Variants in PLAAT3 observed in about 807,000 individuals in gnomAD.
The protein encoded by PLAAT3 is Ca-independent phospholipase A1/2.
In PLAAT3, 21 loss-of-function variants were observed where a neutral mutation model predicts 16.7. That is an observed-to-expected ratio of 1.26 (90% CI 0.89 to 1.81). PLAAT3 has a LOEUF of 1.81. Among genes scored for constraint, PLAAT3 ranks in the 40% most tolerant of loss-of-function variants. PLAAT3 has a pLI of 0.00. For missense variants in PLAAT3, 219 were observed against 213.7 expected (o/e 1.02, Z -0.16); for synonymous variants, 76 against 81.7 (o/e 0.93, Z 0.38).
upstream of PLAAT3, among the ~76,000 whole-genome samples, chr11:63,615,038 A>ATATATATATATATATATATG (rs1938800663): frequency 4.2e-5 from 1 of 24,058 alleles, no homozygotes; most frequent in Non-Finnish European, 2.0e-4. Flanking sequence ...GTGTGTATAT[A>ATATATATATATATATATATG]TATGTATATA....
chr11:63,594,388 C>A (rs1362993384), intron 3 of PLAAT3, among the ~76,000 whole-genome samples: 1 of 151,984 alleles, frequency 6.6e-6, no homozygotes, highest in Admixed American at 6.6e-5. Context: ...GGAGCCCACA[C>A]AAGAGACCAA....
At chr11:63,580,410 C>A (rs970366317) in intron 4 of PLAAT3, among the ~76,000 whole-genome samples, 2 of 152,192 alleles carry the variant, frequency 1.3e-5, no homozygotes, top group African/African-American at 4.8e-5. Flanking sequence ...AATCCCAGCA[C>A]TTTGGGAGGC....
intron 2 of PLAAT3, among the ~76,000 whole-genome samples, chr11:63,606,453 C>CACACAT (rs1938565454): frequency 1.3e-5 from 2 of 151,906 alleles, no homozygotes; most frequent in African/African-American, 4.8e-5. Context: ...CACACACACA[C>CACACAT]ACACACACAC....
intron 3 of PLAAT3, among the ~76,000 whole-genome samples, chr11:63,596,200 A>G (rs1938282977): frequency 7.3e-6 from 1 of 136,314 alleles, no homozygotes; most frequent in Non-Finnish European, 1.5e-5. Flanking sequence ...AGATCGCGCC[A>G]CTACACTCCA....
At chr11:63,586,838 C>A (rs1381216385) in intron 4 of PLAAT3, among the ~76,000 whole-genome samples, 1 of 152,194 alleles carries the variant, frequency 6.6e-6, no homozygotes, top group African/African-American at 2.4e-5. Context: ...AATCTTAGCA[C>A]TTTGGGAGGC....
chr11:63,615,192 G>GTGTGTATA (rs1938825545), upstream of PLAAT3, among the ~76,000 whole-genome samples: 2 of 106,070 alleles, frequency 1.9e-5, no homozygotes, highest in African/African-American at 3.5e-5. Flanking sequence ...GTATATATAT[G>GTGTGTATA]TGTGTATATA....
At chr11:63,595,831 T>A (rs1264871026) in intron 3 of PLAAT3, among the ~76,000 whole-genome samples, 1 of 152,142 alleles carries the variant, frequency 6.6e-6, no homozygotes. Flanking sequence ...AAGTTAAGTA[T>A]TCATATCCTC....
chr11:63,589,530 G>A (rs1455854236), intron 4 of PLAAT3, among the ~76,000 whole-genome samples: 2 of 151,684 alleles, frequency 1.3e-5, no homozygotes, highest in Admixed American at 1.3e-4. Flanking sequence ...TCAAGTAAAT[G>A]AACAAAACTG....
At chr11:63,583,095 A>G (rs540201770) in intron 4 of PLAAT3, among the ~76,000 whole-genome samples, 1 of 152,096 alleles carries the variant, frequency 6.6e-6, no homozygotes, top group African/African-American at 2.4e-5. Context: ...ACACCTCTGC[A>G]CTCCAGCCTG....
chr11:63,594,771 C>T (rs892382996), intron 3 of PLAAT3, among the ~76,000 whole-genome samples: 6 of 151,604 alleles, frequency 4.0e-5, no homozygotes, highest in African/African-American at 1.2e-4. Context: ...GTTTGATCAA[C>T]GGGATATATT....
At chr11:63,597,796 G>A (rs1938327547) in intron 3 of PLAAT3, among the ~76,000 whole-genome samples, 1 of 152,134 alleles carries the variant, frequency 6.6e-6, no homozygotes, top group African/African-American at 2.4e-5. Context: ...TCCTGCTCTG[G>A]AGCCCAGTTC....
intron 2 of PLAAT3, among the ~76,000 whole-genome samples, chr11:63,603,448 C>G (rs982104447): frequency 6.6e-6 from 1 of 152,090 alleles, no homozygotes; most frequent in Non-Finnish European, 1.5e-5. Flanking sequence ...AACCATTTTC[C>G]TTAGCAAGCA....
In PLAAT3 at chr11:63,590,459, G is replaced by T. The variant is rs576157162; in HGVS notation, c.119-91C>A. On this transcript the variant is annotated intron_variant, in intron 3 of 4. Transcript: ENST00000415826. ...GCCCCCAGCCGGGCATCTGCCCTTGGCTCATCCACAAAGGATAAGCAACAA... is the reference window on the plus strand; with the variant it reads ...GCCCCCAGCCGGGCATCTGCCCTTGTCTCATCCACAAAGGATAAGCAACAA... 2.3e-5 allele frequency: 25 copies of T among 1,108,640 alleles called. No homozygotes were observed. The African/African-American group carries it at 3.2e-4, about 14-fold the overall frequency. The allele number at this position is 1,108,640 out of a possible 1,614,324, so 68.7% of individuals were successfully genotyped here.
At chr11:63,591,249 G>C (rs1938145340) in intron 3 of PLAAT3, among the ~76,000 whole-genome samples, 1 of 152,164 alleles carries the variant, frequency 6.6e-6, no homozygotes, top group Admixed American at 6.5e-5. Context: ...GTGTATGGTG[G>C]TGTGCACCTG....
intron 4 of PLAAT3, among the ~76,000 whole-genome samples, chr11:63,578,166 C>A (rs1937677519): frequency 6.6e-6 from 1 of 151,838 alleles, no homozygotes; most frequent in African/African-American, 2.4e-5. Flanking sequence ...GCCTGTAATC[C>A]CAGCCACTTG....
rs1938105354 is a variant in PLAAT3, at chr11:63,590,093, G to A, written c.387+7C>T. ...CCTGGGGAAGGCGACACAGGCAGAG[G>A]ACGCACCTGGTCACTGCGGGCGACT... is the stretch of plus-strand genomic sequence containing the variant. On this transcript the variant is annotated splice_region_variant and intron_variant, in intron 4 of 4. Coordinates refer to ENST00000415826, the MANE Select transcript of PLAAT3 (RefSeq NM_001128203.2). 1 of 1,611,372 alleles carries A rather than the reference G, an allele frequency of 6.2e-7. No individual in the cohort carries two copies. The highest frequency in any genetic ancestry group is 8.5e-7 in the Non-Finnish European group (1 of 1,178,114).
intron 2 of PLAAT3, among the ~76,000 whole-genome samples, chr11:63,607,100 A>G (rs1201527420): frequency 6.6e-6 from 1 of 152,090 alleles, no homozygotes; most frequent in Non-Finnish European, 1.5e-5. Flanking sequence ...TGCTGATGGA[A>G]TGAGGTGGGG....
intron 4 of PLAAT3, among the ~76,000 whole-genome samples, chr11:63,586,168 C>G (rs1937971473): frequency 1.3e-5 from 2 of 152,226 alleles, no homozygotes; most frequent in South Asian, 2.1e-4. Flanking sequence ...GAGTCTCGCT[C>G]TGTTGCCCAG....
intron 2 of PLAAT3, among the ~76,000 whole-genome samples, 190 bp from the exon 3 acceptor site, chr11:63,598,353 T>C (rs1938346275): frequency 6.6e-6 from 1 of 152,228 alleles, no homozygotes; most frequent in South Asian, 2.1e-4. Flanking sequence ...GCAGGCACCA[T>C]GGGCCTGCCC....
Sources: allele counts gnomAD v4.1 joint callset (sites outside exome capture counted in the v4.1 genomes callset), GRCh38; gene constraint gnomAD v4.1.1; transcripts MANE v1.5; gene names NCBI Gene and HGNC (gene_info 2026-07-23, HGNC 2026-07-21).